The following TTLL7 variants were observed in gnomAD, a reference collection of about 807,000 sequenced individuals.
TTLL7 encodes the protein tubulin polyglutamylase TTLL7.
A neutral mutation model predicts 120.2 loss-of-function variants in TTLL7; 53 were observed. That is an observed-to-expected ratio of 0.44 (90% CI 0.35 to 0.55). The LOEUF is 0.55. Among genes scored for constraint, TTLL7 ranks in the 20% least tolerant of loss-of-function variants. The probability of loss-of-function intolerance (pLI) is 0.00; values close to 1 mark genes in which losing one functional copy is unlikely to be tolerated. For synonymous variants in TTLL7, 353 were observed against 351.7 expected, an observed-to-expected ratio of 1.00 and a Z score of -0.04; for missense variants, 803 against 1,054.7, an observed-to-expected ratio of 0.76 and a Z score of 3.31.
chr1:83,896,082 T>C (rs1656198645), intron 18 of TTLL7, among the ~76,000 whole-genome samples: 1 of 152,086 alleles, frequency 6.6e-6, no homozygotes, highest in South Asian at 2.1e-4. Flanking sequence ...CTACCTGTGA[T>C]GCTTTTTTGG....
chr1:83,964,029 G>C (rs1295747222), intron 1 of TTLL7, among the ~76,000 whole-genome samples: 1 of 152,008 alleles, frequency 6.6e-6, no homozygotes, highest in Non-Finnish European at 1.5e-5. Flanking sequence ...GGAATAATAA[G>C]GTTATTTTGC....
chr1:83,961,762 G>A (rs565326923), intron 1 of TTLL7, among the ~76,000 whole-genome samples: 75 of 152,182 alleles, frequency 4.9e-4, no homozygotes, highest in African/African-American at 1.7e-3. Flanking sequence ...TCAGTTTTAA[G>A]TAGTTCTCCA....
At chr1:83,916,503 G>C (rs12749072) in intron 14 of TTLL7, among the ~76,000 whole-genome samples, 1 of 131,656 alleles carries the variant, frequency 7.6e-6, no homozygotes, top group South Asian at 3.0e-4. Context: ...GAGTGGGGGA[G>C]GGGGGAGGGA....
At chr1:83,964,216 C>T (rs545524699) in intron 1 of TTLL7, among the ~76,000 whole-genome samples, 1 of 152,204 alleles carries the variant, frequency 6.6e-6, no homozygotes, top group South Asian at 2.1e-4. Flanking sequence ...TCTTTGAAAA[C>T]AGTGTATCTA....
intron 1 of TTLL7, among the ~76,000 whole-genome samples, chr1:83,990,905 T>C (rs968229318): frequency 1.1e-4 from 16 of 152,208 alleles, no homozygotes; most frequent in African/African-American, 3.4e-4. Flanking sequence ...CCCATGTTCA[T>C]AGAAGCAGTG....
chr1:83,906,444 A>C lies in TTLL7; in HGVS notation c.2012T>G (p.Leu671Arg). The C allele has an allele frequency of 6.2e-7, 1 of 1,611,990 alleles. No individual in the cohort carries two copies. The highest frequency in any genetic ancestry group is 8.5e-7 in the Non-Finnish European group (1 of 1,178,826). Residue 671 changes from leucine (L) to arginine (R), a missense_variant, in exon 17 of 21, where the codon CTG (leucine) becomes CGG (arginine). Coordinates refer to ENST00000260505, the MANE Select transcript of TTLL7 (RefSeq NM_024686.6). ...NSQVSESLRQ[L>R]KTKEQEDDLT... ...ATCATCTTCTTGTTCTTTTGTTTTC[A>C]GTTGCCGCAAAGACTCACTCTTAAA... is the stretch of plus-strand genomic sequence containing the variant.
chr1:83,875,822 T>C (rs975202590), intron 20 of TTLL7, among the ~76,000 whole-genome samples: 2 of 151,974 alleles, frequency 1.3e-5, no homozygotes, highest in African/African-American at 2.4e-5. Context: ...AGTTATTATA[T>C]AATCTTGTAA....
At chr1:83,973,494 G>T (rs1412373816) in intron 1 of TTLL7, among the ~76,000 whole-genome samples, 2 of 151,890 alleles carry the variant, frequency 1.3e-5, no homozygotes, top group Non-Finnish European at 2.9e-5. Flanking sequence ...TCTTAAAGTT[G>T]GGTAGTGTCT....
intron 15 of TTLL7, among the ~76,000 whole-genome samples, chr1:83,908,634 G>T (rs891143693): frequency 6.6e-6 from 1 of 151,848 alleles, no homozygotes; most frequent in East Asian, 1.9e-4. Context: ...CTGACACAGG[G>T]AAATAGATCA....
In TTLL7 at chr1:83,926,976, C is replaced by T. The variant is rs1659190801; in HGVS notation, c.1142+2160G>A. 1.3e-5 allele frequency among the ~76,000 whole-genome samples: 2 copies of T among 151,948 alleles called. 1 individual carries two copies. Among genetic ancestry groups the T allele is most frequent in the South Asian group, 4.2e-4 (2 of 4,806 alleles). On this transcript the variant is annotated intron_variant, in intron 10 of 20. Coordinates refer to ENST00000260505, the MANE Select transcript of TTLL7 (RefSeq NM_024686.6). ...TATAACCCTTTTTATATTTTCTTGT[C>T]TCTGAGGACCCCAAGCCTAATGTTT...
intron 18 of TTLL7, among the ~76,000 whole-genome samples, chr1:83,893,479 G>A (rs1430542975): frequency 6.6e-6 from 1 of 151,840 alleles, no homozygotes; most frequent in East Asian, 1.9e-4. Context: ...TATAATTATG[G>A]CAACTGCCTA....
At chr1:83,992,868 G>A (rs1379549082) in intron 1 of TTLL7, among the ~76,000 whole-genome samples, 1 of 130,796 alleles carries the variant, frequency 7.6e-6, no homozygotes, top group Non-Finnish European at 1.6e-5. Flanking sequence ...GTATTTGTTA[G>A]TTAACTGCAG....
At chr1:83,986,239 A>G (rs1366261951) in intron 1 of TTLL7, among the ~76,000 whole-genome samples, 2 of 152,210 alleles carry the variant, frequency 1.3e-5, no homozygotes, top group Non-Finnish European at 2.9e-5. Flanking sequence ...ATGTGTGTGT[A>G]TGTATAATAT....
chr1:83,887,828 C>T (rs940691146), intron 19 of TTLL7, among the ~76,000 whole-genome samples: 1 of 118,810 alleles, frequency 8.4e-6, no homozygotes, highest in Non-Finnish European at 2.1e-5. Flanking sequence ...GCTTCAATTC[C>T]TCATCTGTAA....
intron 1 of TTLL7, among the ~76,000 whole-genome samples, chr1:83,998,583 G>A (rs866301134): frequency 2.0e-4 from 31 of 152,306 alleles, no homozygotes; most frequent in African/African-American, 7.2e-4. Flanking sequence ...GGAAAACGAC[G>A]GAATTACAGA....
rs778293323 is a variant in TTLL7 at position 83,921,409 on chromosome 1, A to G, written c.1143-15T>C. 5.6e-6 allele frequency: 9 copies of G among 1,608,594 alleles called. No individual in the cohort carries two copies. The highest frequency in any genetic ancestry group is 2.7e-5 in the African/African-American group (2 of 74,404). On this transcript the variant is annotated splice_polypyrimidine_tract_variant and intron_variant, in intron 10 of 20. Transcript: ENST00000260505. ...TGTCACTGGTCCTAAAATATAAAAC[A>G]TAAGACCATATTCTAGAACTCGAAC...
At chr1:83,947,470 T>C (rs1294414222) in intron 5 of TTLL7, 188 bp from the exon 6 acceptor site, 2 of 500,590 alleles carry the variant, frequency 4.0e-6, no homozygotes, top group Non-Finnish European at 6.8e-6. Context: ...TATTCTGGAC[T>C]ATGGATTCAT....
intron 1 of TTLL7, chr1:83,980,772 T>A (rs1013211335): frequency 6.6e-6 from 1 of 152,102 alleles, no homozygotes. Flanking sequence ...TAATATTTTA[T>A]GGAAAAAGCA....
Position 83,907,655 on chromosome 1 carries a change from A to T in TTLL7, c.1793T>A (p.Ile598Lys), listed in dbSNP as rs1194890048. 1.2e-6 allele frequency: 2 copies of T among 1,612,392 alleles called. No homozygotes were observed. The highest frequency in any genetic ancestry group is 2.7e-5 in the African/African-American group (2 of 74,868). Residue 598 changes from isoleucine (I) to lysine (K), a missense_variant, in exon 16 of 21, where the codon ATA becomes AAA. By Grantham distance (102) the Ile-to-Lys change is moderately radical. Coordinates refer to ENST00000260505, the MANE Select transcript of TTLL7 (RefSeq NM_024686.6). Reference sequence around the variant, plus strand: ...CCGAGGGCAGCTGACTGAACGTCTTATGGAGCCTATCAGTGATGGAGAAGA... The same window carrying T: ...CCGAGGGCAGCTGACTGAACGTCTTTTGGAGCCTATCAGTGATGGAGAAGA... Reference protein sequence around the residue: ...HYKLIQQPSSIRRSVSCPRSI... With the variant: ...HYKLIQQPSSKRRSVSCPRSI...
Sources: gnomAD v4.1 joint callset for allele counts (sites outside exome capture counted in the v4.1 genomes callset) on GRCh38, gnomAD v4.1.1 for gene constraint, MANE v1.5 for transcripts, NCBI Gene and HGNC (gene_info 2026-07-23, HGNC 2026-07-21) for gene names.